The following PCMT1 variants were observed in gnomAD, a reference collection of about 807,000 sequenced individuals.
The protein encoded by PCMT1 is protein-L-isoaspartate (D-aspartate) O-methyltransferase, also known as protein-L-isoaspartate(D-aspartate) O-methyltransferase.
Under a neutral mutation model 29.2 loss-of-function variants are expected in PCMT1, and 9 were observed. The observed-to-expected ratio is 0.31, with a 90% CI of 0.19 to 0.54. The LOEUF (loss-of-function observed/expected upper bound fraction) is 0.54. Among genes scored for constraint, PCMT1 ranks in the 20% least tolerant of loss-of-function variants. The pLI is 0.95. For missense variants in PCMT1, 184 were observed against 282.2 expected, an observed-to-expected ratio of 0.65 and a Z score of 2.49; for synonymous variants, 98 against 97.5, an observed-to-expected ratio of 1.00 and a Z score of -0.03.
At chr6:149,781,117 C>A (rs1390180904) in intron 3 of PCMT1, among the ~76,000 whole-genome samples, 1 of 148,658 alleles carries the variant, frequency 6.7e-6, no homozygotes, top group Non-Finnish European at 1.5e-5. Flanking sequence ...TGTTGAGCGT[C>A]TTTTCATGTG....
intron 3 of PCMT1, among the ~76,000 whole-genome samples, chr6:149,780,757 G>A (rs1787782702): frequency 6.6e-6 from 1 of 152,174 alleles, no homozygotes; most frequent in African/African-American, 2.4e-5. Context: ...ATTAACTGTT[G>A]AGGGACATTT....
intron 3 of PCMT1, among the ~76,000 whole-genome samples, chr6:149,773,523 T>A (rs1787427309): frequency 6.6e-6 from 1 of 152,112 alleles, no homozygotes; most frequent in African/African-American, 2.4e-5. Flanking sequence ...GGACTACAGG[T>A]GCCCACCACG....
intron 1 of PCMT1, among the ~76,000 whole-genome samples, chr6:149,762,296 G>A (rs918259292): frequency 2.6e-5 from 4 of 151,430 alleles, no homozygotes; most frequent in Non-Finnish European, 4.4e-5. Flanking sequence ...ACCAACATTA[G>A]CCATTATTAT....
intron 3 of PCMT1, among the ~76,000 whole-genome samples, chr6:149,780,830 TTG>T (rs1240168701): frequency 6.6e-6 from 1 of 152,192 alleles, no homozygotes; most frequent in Non-Finnish European, 1.5e-5. Context: ...GTACACATTT[TTG>T]TGTGTTTTCA....
chr6:149,784,287 A>C (rs1583035194), intron 3 of PCMT1, among the ~76,000 whole-genome samples: 2 of 152,168 alleles, frequency 1.3e-5, no homozygotes, highest in African/African-American at 2.4e-5. Context: ...AACTTTTTAA[A>C]AATTCTTTTT....
chr6:149,768,474 TG>T (rs1259264222), intron 1 of PCMT1, among the ~76,000 whole-genome samples: 28 of 122,188 alleles, frequency 2.3e-4, no homozygotes, highest in African/African-American at 9.4e-4. Flanking sequence ...TTTTTTGAGA[TG>T]GAGTCTCACC....
At chr6:149,771,436 GTA>G (rs1787317526) in intron 2 of PCMT1, among the ~76,000 whole-genome samples, 170 bp downstream of exon 2, 1 of 152,092 alleles carries the variant, frequency 6.6e-6, no homozygotes, top group South Asian at 2.1e-4. Context: ...ATAAAATTAT[GTA>G]TGTTTTTCTG....
At chr6:149,757,933 A>C (rs767055792) in intron 1 of PCMT1, among the ~76,000 whole-genome samples, 2 of 152,060 alleles carry the variant, frequency 1.3e-5, no homozygotes, top group Non-Finnish European at 2.9e-5. Context: ...CCTAAGCTGG[A>C]ATGCAGTGGT....
At chr6:149,805,618 T>G (rs1312360268) in intron 7 of PCMT1, among the ~76,000 whole-genome samples, 1 of 150,724 alleles carries the variant, frequency 6.6e-6, no homozygotes, top group Non-Finnish European at 1.5e-5. Context: ...TGGTTTTCTT[T>G]TTGACCTTCA....
At chr6:149,762,422 T>C (rs1786779800) in intron 1 of PCMT1, among the ~76,000 whole-genome samples, 1 of 150,886 alleles carries the variant, frequency 6.6e-6, no homozygotes, top group South Asian at 2.1e-4. Flanking sequence ...TTACCCCTAA[T>C]TAGCCTGTAC....
intron 3 of PCMT1, among the ~76,000 whole-genome samples, chr6:149,786,653 G>C (rs1788104352): frequency 6.6e-6 from 1 of 150,626 alleles, no homozygotes; most frequent in Non-Finnish European, 1.5e-5. Context: ...CGGCCGGGCA[G>C]AGACGCTCCT....
At chr6:149,801,075 A>G (rs1381589216) in intron 6 of PCMT1, among the ~76,000 whole-genome samples, 1 of 152,232 alleles carries the variant, frequency 6.6e-6, no homozygotes, top group Non-Finnish European at 1.5e-5. Flanking sequence ...CAATCAAAGT[A>G]TGTACAGGGT....
chr6:149,781,229 CT>C (rs773565212), intron 3 of PCMT1, among the ~76,000 whole-genome samples: 49 of 109,332 alleles, frequency 4.5e-4, no homozygotes, highest in Admixed American at 6.5e-4. Context: ...ATAATTAAAA[CT>C]TTTTTTTTTT....
intron 3 of PCMT1, among the ~76,000 whole-genome samples, chr6:149,775,907 C>A (rs1787543040): frequency 6.6e-6 from 1 of 152,104 alleles, no homozygotes; most frequent in South Asian, 2.1e-4. Context: ...CATCTGTAAT[C>A]CCAGCACTTT....
chr6:149,750,029 C>T (rs2050850262), intron 1 of PCMT1, 73 bp downstream of exon 1: 3 of 1,505,842 alleles, frequency 2.0e-6, no homozygotes, highest in Admixed American at 2.1e-5. Context: ...CTGGGCCGTC[C>T]GGAACGTTCT....
chr6:149,770,604 G>T (rs1297846347), intron 1 of PCMT1, among the ~76,000 whole-genome samples: 2 of 151,534 alleles, frequency 1.3e-5, no homozygotes, highest in Non-Finnish European at 2.9e-5. Flanking sequence ...TACTTGGGAG[G>T]CTGAGGCAGG....
intron 1 of PCMT1, among the ~76,000 whole-genome samples, chr6:149,756,422 C>T (rs1022491731): frequency 1.4e-5 from 2 of 147,808 alleles, no homozygotes; most frequent in Non-Finnish European, 3.0e-5. Context: ...GATCTTAGCT[C>T]ACTGCAACCT....
intron 2 of PCMT1, 83 bp from the exon 3 acceptor site, chr6:149,773,055 C>T (rs533448171): frequency 3.5e-5 from 31 of 891,410 alleles, no homozygotes; most frequent in South Asian, 1.4e-4. Context: ...TGAAAAATAA[C>T]GTATGGATGG....
chr6:149,790,079 T>A, intron 4 of PCMT1, 21 bp downstream of exon 4: 1 of 1,374,608 alleles, frequency 7.3e-7, no homozygotes, highest in Admixed American at 1.9e-5. Flanking sequence ...TATTTCTCAC[T>A]CTGGCCCCAA....
Sources: allele counts gnomAD v4.1 joint callset (sites outside exome capture counted in the v4.1 genomes callset), GRCh38; gene constraint gnomAD v4.1.1; transcripts MANE v1.5; gene names NCBI Gene and HGNC (gene_info 2026-07-23, HGNC 2026-07-21).